SGCD: variants seen among roughly 807,000 people sequenced by gnomAD.
The protein encoded by SGCD is sarcoglycan delta, also known as delta-sarcoglycan.
Under a neutral mutation model 36.6 loss-of-function variants are expected in SGCD, and 18 were observed. The ratio of observed to expected loss-of-function variants is 0.49; its 90% CI spans 0.34 to 0.73. SGCD has a LOEUF of 0.73. SGCD is among the 30% of genes least tolerant of loss of function. SGCD has a pLI of 0.01. For missense variants in SGCD, 387 were observed against 346.7 expected (o/e 1.12, Z -0.92); for synonymous variants, 133 against 130.6 (o/e 1.02, Z -0.12).
intron 4 of SGCD, among the ~76,000 whole-genome samples, chr5:156,542,616 T>C (rs1016265354): frequency 1.3e-5 from 2 of 152,214 alleles, no homozygotes; most frequent in African/African-American, 2.4e-5. Context: ...GGTACTACTA[T>C]TATTCCTATA....
At chr5:156,472,924 G>T (rs922369896) in intron 3 of SGCD, among the ~76,000 whole-genome samples, 1 of 152,124 alleles carries the variant, frequency 6.6e-6, no homozygotes, top group Non-Finnish European at 1.5e-5. Flanking sequence ...AATATTAGTT[G>T]AAATGGTGGT....
intron 4 of SGCD, among the ~76,000 whole-genome samples, chr5:156,585,086 G>A (rs1035292355): frequency 6.6e-6 from 1 of 152,118 alleles, no homozygotes; most frequent in African/African-American, 2.4e-5. Context: ...AGACCAAAAT[G>A]CTCCCAAATT....
At chr5:156,563,678 C>T (rs1044988129) in intron 4 of SGCD, among the ~76,000 whole-genome samples, 10 of 151,368 alleles carry the variant, frequency 6.6e-5, no homozygotes, top group South Asian at 4.2e-4. Flanking sequence ...CATTGCTTAA[C>T]GGAAGCTGTT....
chr5:156,000,127 G>A (rs112878317), intron 1 of SGCD, among the ~76,000 whole-genome samples: 1 of 152,176 alleles, frequency 6.6e-6, no homozygotes, highest in African/African-American at 2.4e-5. Flanking sequence ...GAAGGGCCTT[G>A]TGAGTCCATG....
At chr5:156,138,726 T>C (rs1594652) in intron 3 of SGCD, among the ~76,000 whole-genome samples, 1,947 of 152,342 alleles carry the variant, frequency 0.013, 150 homozygotes, top group Admixed American at 0.12. Context: ...GTGAAATTTC[T>C]GTGATGTGGG....
At chr5:156,664,471 C>A (rs200220661) in intron 7 of SGCD, among the ~76,000 whole-genome samples, 2,997 of 103,248 alleles carry the variant, frequency 0.029, no homozygotes, top group East Asian at 0.057. Context: ...GGGGCAGGTA[C>A]TTCCTGGGTC....
At chr5:156,678,026 G>A (rs978130446) in intron 7 of SGCD, among the ~76,000 whole-genome samples, 3 of 152,050 alleles carry the variant, frequency 2.0e-5, no homozygotes, top group African/African-American at 7.2e-5. Flanking sequence ...TGTTTCATTT[G>A]GGGACCAGCT....
chr5:155,796,806 CAAAAAAAA>C, the SGCD span, among the ~76,000 whole-genome samples: 4 of 51,320 alleles, frequency 7.8e-5, no homozygotes, highest in Non-Finnish European at 1.1e-4. Context: ...AACTCCATCT[CAAAAAAAA>C]AAAAAAAAAA....
chr5:155,994,621 A>G (rs1758501913), intron 1 of SGCD, among the ~76,000 whole-genome samples: 1 of 152,182 alleles, frequency 6.6e-6, no homozygotes, highest in Admixed American at 6.5e-5. Context: ...CTGGAAAACA[A>G]CCACCTGACT....
chr5:156,691,205 T>TAAA (rs1754094433), intron 7 of SGCD, among the ~76,000 whole-genome samples: 1 of 1,788 alleles, frequency 5.6e-4, no homozygotes, highest in South Asian at 0.015. Context: ...AGACTCTGTC[T>TAAA]CAAAAAAAAA....
intron 4 of SGCD, among the ~76,000 whole-genome samples, chr5:156,577,918 T>TGTG (rs1760051037): frequency 1.3e-5 from 2 of 152,088 alleles, no homozygotes; most frequent in South Asian, 4.2e-4. Flanking sequence ...TTCTTTCTCT[T>TGTG]CCTGATTGCC....
At chr5:155,824,365 G>T in the SGCD span, among the ~76,000 whole-genome samples, 1 of 151,882 alleles carries the variant, frequency 6.6e-6, no homozygotes, top group Admixed American at 6.6e-5. Flanking sequence ...ATCTTGCAAG[G>T]GTTAAGCACT....
At chr5:155,998,198 T>A (rs1758594777) in intron 1 of SGCD, among the ~76,000 whole-genome samples, 1 of 152,168 alleles carries the variant, frequency 6.6e-6, no homozygotes, top group South Asian at 2.1e-4. Flanking sequence ...CTTAGCATAA[T>A]CAAACTTCAT....
chr5:156,523,627 A>AT (rs1485957653), intron 4 of SGCD, among the ~76,000 whole-genome samples: 6 of 152,052 alleles, frequency 3.9e-5, no homozygotes, highest in Non-Finnish European at 8.8e-5. Flanking sequence ...AGAATCTCAC[A>AT]TTTTTTTAAA....
chr5:156,046,678 C>T (rs192211287), intron 1 of SGCD, among the ~76,000 whole-genome samples: 32 of 152,234 alleles, frequency 2.1e-4, no homozygotes, highest in African/African-American at 7.0e-4. Flanking sequence ...CGTGTGCATT[C>T]TGATTGCTCC....
At chr5:156,204,857 G>A (rs542336701) in intron 3 of SGCD, among the ~76,000 whole-genome samples, 32 of 152,076 alleles carry the variant, frequency 2.1e-4, no homozygotes, top group African/African-American at 6.3e-4. Flanking sequence ...CTTATAATTC[G>A]AGTGTAAACT....
intron 1 of SGCD, among the ~76,000 whole-genome samples, chr5:156,070,549 A>T (rs1428357053): frequency 1.3e-5 from 2 of 150,914 alleles, no homozygotes; most frequent in Non-Finnish European, 2.9e-5. Flanking sequence ...TTTATTGAGG[A>T]TTTTTGCATC....
chr5:156,293,345 A>T (rs2089189), intron 3 of SGCD, among the ~76,000 whole-genome samples: 19,054 of 152,030 alleles, frequency 0.13, 2,818 homozygotes, highest in African/African-American at 0.36. Context: ...TTGCCTTTTT[A>T]AAATTTTCTT....
At chr5:156,434,584 C>T (rs556500036) in intron 3 of SGCD, among the ~76,000 whole-genome samples, 7 of 152,210 alleles carry the variant, frequency 4.6e-5, no homozygotes, top group East Asian at 3.9e-4. Context: ...TGAATGAAGC[C>T]GTATGATTAA....
Sources: gnomAD v4.1 joint callset for allele counts (sites outside exome capture counted in the v4.1 genomes callset) on GRCh38, gnomAD v4.1.1 for gene constraint, MANE v1.5 for transcripts, NCBI Gene and HGNC (gene_info 2026-07-23, HGNC 2026-07-21) for gene names.